The following CFAP46 variants were observed in gnomAD, a reference collection of about 807,000 sequenced individuals.
CFAP46 encodes cilia and flagella associated protein 46.
Under a neutral mutation model 325.7 loss-of-function variants are expected in CFAP46, and 245 were observed. The ratio of observed to expected loss-of-function variants is 0.75; its 90% CI spans 0.68 to 0.84. CFAP46 has a LOEUF of 0.84. CFAP46 is among the 40% of genes least tolerant of loss of function. The pLI, the probability that CFAP46 is intolerant of heterozygous loss-of-function variation, is 0.00. For synonymous variants in CFAP46, 1,523 were observed against 1,495.9 expected (o/e 1.02, Z -0.42); for missense variants, 3,346 against 3,543.0 (o/e 0.94, Z 1.41).
Position 132,814,841 on chromosome 10 carries a change from C to A in CFAP46, c.7188+3G>T. 1 of 1,614,210 alleles carries A rather than the reference C, an allele frequency of 6.2e-7. No individual in the cohort carries two copies. Among genetic ancestry groups the A allele is most frequent in the Non-Finnish European group, 8.5e-7 (1 of 1,180,016 alleles). On this transcript the variant is annotated splice_donor_region_variant and intron_variant, in intron 51 of 57. Coordinates refer to ENST00000368586, the MANE Select transcript of CFAP46 (RefSeq NM_001200049.3). ...CGATCCCCTATCACAGGCCCCCACC[C>A]ACCTTCCTGCCCTTCTTCGCTAGGC...
intron 44 of CFAP46, 65 bp from the exon 45 acceptor site, chr10:132,836,979 C>T: frequency 8.0e-7 from 1 of 1,250,406 alleles, no homozygotes; most frequent in Non-Finnish European, 1.2e-6. Flanking sequence ...TGTGCTGTTC[C>T]CCTCATTTCC....
intron 44 of CFAP46, among the ~76,000 whole-genome samples, 198 bp downstream of exon 44, chr10:132,845,859 A>G (rs540032674): frequency 1.7e-4 from 26 of 151,836 alleles, no homozygotes; most frequent in African/African-American, 6.3e-4. Context: ...GGCCGTTACT[A>G]CCCCCACAAG....
intron 38 of CFAP46, 50 bp from the exon 39 acceptor site, chr10:132,857,838 AAATGTTT>A (rs1337243273): frequency 7.3e-7 from 1 of 1,366,870 alleles, no homozygotes; most frequent in Non-Finnish European, 9.8e-7. Flanking sequence ...TATTATTACT[AAATGTTT>A]AATATGTCAT....
At chr10:132,924,075 C>G (rs1317270254) in intron 11 of CFAP46, among the ~76,000 whole-genome samples, 1 of 152,096 alleles carries the variant, frequency 6.6e-6, no homozygotes, top group Non-Finnish European at 1.5e-5. Context: ...CAACAAGAAA[C>G]AGGTCCTGAG....
At chr10:132,820,516 GCTGATGTGTGCTGTGTGTGCA>G (rs1484101555) in intron 50 of CFAP46, among the ~76,000 whole-genome samples, 9 of 147,058 alleles carry the variant, frequency 6.1e-5, no homozygotes, top group Non-Finnish European at 1.1e-4. Context: ...TGCTGTGAGT[GCTGATGTGTGCTGTGTGTGCA>G]CTGATGTGTG....
intron 23 of CFAP46, 28 bp from the exon 24 acceptor site, chr10:132,899,149 G>A (rs1333552011): frequency 4.6e-6 from 7 of 1,536,830 alleles, no homozygotes; most frequent in South Asian, 1.2e-5. Flanking sequence ...ATGACGCGGT[G>A]GCTCCACCTG....
intron 1 of CFAP46, 51 bp from the exon 2 acceptor site, chr10:132,942,155 T>A: frequency 6.5e-7 from 1 of 1,546,390 alleles, no homozygotes; most frequent in East Asian, 2.4e-5. Context: ...CTGGGAGAAG[T>A]GAGCCGGGCA....
In CFAP46 at chr10:132,911,742, G is replaced by A. The variant is rs188914417; in HGVS notation, c.2499+913C>T. ...ATGATCCGCCTGGGCCACCAGGATC[G>A]TCCCACACACTGGGTCTGCTGCATT... is the stretch of plus-strand genomic sequence containing the variant. On this transcript the variant is annotated intron_variant, in intron 19 of 57. Transcript: ENST00000368586. Among the ~76,000 whole-genome samples the A allele has an allele frequency of 1.1e-3, 173 of 152,266 alleles. 1 individual carries two copies. The highest frequency in any genetic ancestry group is 3.1e-3 in the Admixed American group (48 of 15,304).
At chr10:132,831,220 C>CTGTGTG (rs56965336) in intron 50 of CFAP46, among the ~76,000 whole-genome samples, 19,897 of 148,078 alleles carry the variant, frequency 0.13, 1,491 homozygotes, top group Non-Finnish European at 0.18. Context: ...GTCAAATGTT[C>CTGTGTG]TGTGTGTGTG....
chr10:132,862,155 C>G (rs1013179864), intron 35 of CFAP46, among the ~76,000 whole-genome samples: 1 of 152,202 alleles, frequency 6.6e-6, no homozygotes, highest in Non-Finnish European at 1.5e-5. Context: ...CGACTGGGCT[C>G]TGTGGAAGGG....
intron 4 of CFAP46, 119 bp from the exon 5 acceptor site, chr10:132,938,872 A>G: frequency 1.3e-6 from 1 of 797,858 alleles, no homozygotes; most frequent in Admixed American, 2.8e-5. Context: ...GGTCCTCTCC[A>G]GCAGATGGCA....
At chr10:132,867,318 C>T (rs1010644199) in intron 34 of CFAP46, 57 bp downstream of exon 34, 11 of 1,525,678 alleles carry the variant, frequency 7.2e-6, no homozygotes, top group Middle Eastern at 2.3e-4. Context: ...TGCATGGCCA[C>T]GAGGCACCGG....
intron 10 of CFAP46, among the ~76,000 whole-genome samples, 158 bp from the exon 11 acceptor site, chr10:132,925,044 C>T (rs979562217): frequency 6.6e-6 from 1 of 152,230 alleles, no homozygotes; most frequent in Admixed American, 6.5e-5. Context: ...GCCAGAGTGA[C>T]TCTTTCTAGG....
intron 44 of CFAP46, among the ~76,000 whole-genome samples, chr10:132,841,844 G>C (rs1848349529): frequency 6.6e-6 from 1 of 152,236 alleles, no homozygotes; most frequent in South Asian, 2.1e-4. Context: ...GAGAGCCTGT[G>C]GAGGGCACCT....
rs548320775 is a variant in CFAP46, at chr10:132,848,282, G to C, written c.5953-961C>G. ...CAATGGAATTTATAAAACGGACTTA[G>C]AGAATGAAAATACTGAGGGAAGAGA... is the stretch of plus-strand genomic sequence containing the variant. On this transcript the variant is annotated intron_variant, in intron 41 of 57. Coordinates refer to ENST00000368586, the MANE Select transcript of CFAP46 (RefSeq NM_001200049.3). Among the ~76,000 whole-genome samples the C allele has an allele frequency of 3.3e-5, 5 of 152,360 alleles. No individual in the cohort carries two copies. In the South Asian group the frequency reaches 1.0e-3, roughly 32 times the overall value.
In CFAP46 at chr10:132,859,332, G is replaced by C. The variant is rs150043324; in HGVS notation, c.5199-85C>G. ...CGGCTGGGCTGCCGCTGTTCTCCCC[G>C]GTGTTCATCCAGGGATGCTCGGAGA... On this transcript the variant is annotated intron_variant, in intron 37 of 57. Coordinates refer to ENST00000368586, the MANE Select transcript of CFAP46 (RefSeq NM_001200049.3). The C allele has an allele frequency of 4.7e-4, 582 of 1,241,164 alleles. 4 individuals carry two copies. In the East Asian group the frequency reaches 0.011, roughly 24 times the overall value. The allele number at this position is 1,241,164 out of a possible 1,614,324, so 76.9% of individuals were successfully genotyped here. A position where few individuals can be genotyped will look rare whatever the true frequency, so the allele number is the denominator to read the frequency against.
intron 56 of CFAP46, 40 bp downstream of exon 56, chr10:132,810,909 TC>T: frequency 1.3e-6 from 2 of 1,540,442 alleles, no homozygotes; most frequent in Non-Finnish European, 1.8e-6. Flanking sequence ...GACCTCTCCA[TC>T]CTCAGCATCC....
At chr10:132,872,479 A>C in intron 32 of CFAP46, 197 bp downstream of exon 32, 1 of 659,900 alleles carries the variant, frequency 1.5e-6, no homozygotes, top group Non-Finnish European at 2.5e-6. Flanking sequence ...GGCTGGTCTC[A>C]AACTCCTGGG....
intron 24 of CFAP46, among the ~76,000 whole-genome samples, chr10:132,897,122 A>C (rs150668298): frequency 7.2e-5 from 11 of 152,368 alleles, no homozygotes; most frequent in African/African-American, 2.6e-4. Flanking sequence ...AATGGATCAA[A>C]GATCTAAACT....
Sources: gnomAD v4.1 joint callset for allele counts (sites outside exome capture counted in the v4.1 genomes callset) on GRCh38, gnomAD v4.1.1 for gene constraint, MANE v1.5 for transcripts, NCBI Gene and HGNC (gene_info 2026-07-23, HGNC 2026-07-21) for gene names.